PLPP7: variants seen among roughly 807,000 people sequenced by gnomAD.
PLPP7 encodes inactive phospholipid phosphatase 7.
Under a neutral mutation model 16.9 loss-of-function variants are expected in PLPP7, and 11 were observed. The ratio of observed to expected loss-of-function variants is 0.65; its 90% CI spans 0.41 to 1.08. The LOEUF (loss-of-function observed/expected upper bound fraction) is 1.08, where lower values mean the gene tolerates loss of function less well. Among genes scored for constraint, PLPP7 ranks in the 50% least tolerant of loss-of-function variants. PLPP7 has a pLI of 0.00. For synonymous variants in PLPP7, 174 were observed against 175.1 expected (o/e 0.99, Z 0.05); for missense variants, 358 against 397.1 (o/e 0.90, Z 0.84).
rs1469964143 is a variant in PLPP7, at chr9:131,295,345, G to A, written c.451+4897G>A. Reference sequence around the variant, plus strand: ...ATTTTTGTATTTTTAGTAGAGATGGGGTTTCACCATGTTGGCCAGGCTGGT... The same window carrying A: ...ATTTTTGTATTTTTAGTAGAGATGGAGTTTCACCATGTTGGCCAGGCTGGT... On this transcript the variant is annotated intron_variant, in intron 1 of 1. Coordinates refer to ENST00000372264, the MANE Select transcript of PLPP7 (RefSeq NM_032728.4). This position sits in a 1 kb window ranked among gnomAD's most constrained non-coding sequence, Gnocchi z 4.0. 6.6e-6 allele frequency among the ~76,000 whole-genome samples: 1 copy of A among 151,680 alleles called. No homozygotes were observed. The highest frequency in any genetic ancestry group is 1.5e-5 in the Non-Finnish European group (1 of 67,930).
Position 131,291,379 on chromosome 9 carries a change from G to T in PLPP7, c.451+931G>T, listed in dbSNP as rs568956643. 3.4e-6 allele frequency: 4 copies of T among 1,175,758 alleles called. No homozygotes were observed. In the Admixed American group the frequency reaches 1.1e-4, roughly 32 times the overall value. The allele number at this position is 1,175,758 out of a possible 1,614,324, so 72.8% of individuals were successfully genotyped here. On this transcript the variant is annotated intron_variant, in intron 1 of 1. Transcript: ENST00000372264. ...GGGGTCTCAGTTCCAAAAGGGCATT[G>T]GGTTGGACCACGGAGAACATCAGTT...
chr9:131,291,674 C>T (rs916792528), intron 1 of PLPP7, among the ~76,000 whole-genome samples: 4 of 151,848 alleles, frequency 2.6e-5, no homozygotes, highest in African/African-American at 4.8e-5. Context: ...CTCCGCCTCC[C>T]GGGTTCAAGC....
rs192871964 is a variant in PLPP7 at position 131,291,541 on chromosome 9, C to T, written c.451+1093C>T. 93 of 268,946 alleles carry T rather than the reference C, an allele frequency of 3.5e-4. 2 individuals are homozygous for T. The East Asian group carries it at 6.2e-3, about 18-fold the overall frequency. 16.7% of individuals were successfully genotyped at this position (268,946 alleles called of 1,614,324 possible). ...AGGAGATGGCTGGGTCTGCCACCTT[C>T]GAGGTTTTCTTGTTCCTTTTTTTTT... is the stretch of plus-strand genomic sequence containing the variant. On this transcript the variant is annotated intron_variant, in intron 1 of 1. Coordinates refer to ENST00000372264, the MANE Select transcript of PLPP7 (RefSeq NM_032728.4).
In PLPP7 at chr9:131,308,404, C is replaced by A. The variant is rs1835881010; in HGVS notation, c.*117C>A. ...AGCGGCCAGGAGTCAGAGCGGCCAC[C>A]CCCACCTCATCTTCCCCTCCTGGCT... On this transcript the variant is annotated 3_prime_UTR_variant, in exon 2 of 2. Coordinates refer to ENST00000372264, the MANE Select transcript of PLPP7 (RefSeq NM_032728.4). 1 of 1,412,684 alleles carries A rather than the reference C, an allele frequency of 7.1e-7. No individual in the cohort carries two copies. The highest frequency in any genetic ancestry group is 1.5e-5 in the South Asian group (1 of 66,968). 87.5% of individuals were successfully genotyped at this position (1,412,684 alleles called of 1,614,324 possible). A position where few individuals can be genotyped will look rare whatever the true frequency, so the allele number is the denominator to read the frequency against.
Position 131,290,400 on chromosome 9 carries a change from A to G in PLPP7, c.403A>G (p.Lys135Glu), listed in dbSNP as rs1835657912. 6.3e-7 allele frequency: 1 copy of G among 1,590,742 alleles called. No individual in the cohort carries two copies. Among genetic ancestry groups the G allele is most frequent in the Non-Finnish European group, 8.6e-7 (1 of 1,168,630 alleles). ...CGGAGGCACCATCCTCTGCCTGGTG[A>G]AGAGCAGCACACTGGCCGGCCAGGA... ...WIGGTILCLV[K>E]SSTLAGQEVL... The change falls in exon 1 of 2, where the codon AAG (lysine) becomes GAG (glutamate). Residue 135 changes from lysine (K) to glutamate (E), a missense_variant. Lys to Glu is a moderately conservative substitution (Grantham distance 56). Transcript: ENST00000372264. This position sits in a 1 kb window ranked among gnomAD's most constrained non-coding sequence, Gnocchi z 4.2.
chr9:131,304,295 G>A (rs1484009165), intron 1 of PLPP7, among the ~76,000 whole-genome samples: 1 of 152,216 alleles, frequency 6.6e-6, no homozygotes, highest in East Asian at 1.9e-4. Context: ...GCAGGGTGTG[G>A]CAGAGACACG....
rs763075181 is a variant in PLPP7 at position 131,308,500 on chromosome 9, T to G, written c.*213T>G. The G allele has an allele frequency of 3.6e-5, 28 of 770,350 alleles. No individual in the cohort carries two copies. The highest frequency in any genetic ancestry group is 3.4e-4 in the South Asian group (18 of 53,150). The allele number at this position is 770,350 out of a possible 1,614,324, so 47.7% of individuals were successfully genotyped here. Reference sequence around the variant, plus strand: ...TGGCAGTGCCAGGCCTCTTGCCCCTTTGCTTGGACTCCAAGTCTCCTCTCT... The same window carrying G: ...TGGCAGTGCCAGGCCTCTTGCCCCTGTGCTTGGACTCCAAGTCTCCTCTCT... On this transcript the variant is annotated 3_prime_UTR_variant, in exon 2 of 2. Coordinates refer to ENST00000372264, the MANE Select transcript of PLPP7 (RefSeq NM_032728.4).
rs1020568454 is a variant in PLPP7 at position 131,295,960 on chromosome 9, C to T, written c.451+5512C>T. ...AGCTGTTCTGAGTAACGCTGCCGTG[C>T]GCACAGGTGTATATGCATCTTCTTG... On this transcript the variant is annotated intron_variant, in intron 1 of 1. Transcript: ENST00000372264. The surrounding 1 kb of genome is among the most constrained non-coding windows in gnomAD (Gnocchi z 4.0). Among the ~76,000 whole-genome samples, 1 of 152,318 alleles carries T rather than the reference C, an allele frequency of 6.6e-6. No homozygotes were observed. Among genetic ancestry groups the T allele is most frequent in the Admixed American group, 6.5e-5 (1 of 15,298 alleles).
rs201869319 is a variant in PLPP7 at position 131,294,651 on chromosome 9, TTTTGTTTGTTTG to T, written c.451+4227_451+4238del. Among the ~76,000 whole-genome samples, 12 of 151,986 alleles carry T rather than the reference TTTTGTTTGTTTG, an allele frequency of 7.9e-5. No homozygotes were observed. The East Asian group carries it at 9.7e-4, about 12-fold the overall frequency. On this transcript the variant is annotated intron_variant, in intron 1 of 1. Transcript: ENST00000372264. ...ATCTATGTCCTTTATGAAAGTATCTTTTTGTTTGTTTGTTTGTTTGTTTGTTTGTTTGTTTTT... is the reference window on the plus strand; with the variant it reads ...ATCTATGTCCTTTATGAAAGTATCTTTTTGTTTGTTTGTTTGTTTGTTTTT...
At chr9:131,297,006 C>A (rs573550275) in intron 1 of PLPP7, among the ~76,000 whole-genome samples, 1 of 152,258 alleles carries the variant, frequency 6.6e-6, no homozygotes, top group Non-Finnish European at 1.5e-5. Flanking sequence ...CACATGCTAC[C>A]TCCTCGGAAG....
rs763014814 is a variant in PLPP7 at position 131,308,117 on chromosome 9, G to A, written c.646G>A (p.Val216Met). The A allele has an allele frequency of 3.7e-6, 6 of 1,600,988 alleles. No homozygotes were observed. The highest frequency in any genetic ancestry group is 3.3e-5 in the South Asian group (3 of 91,064). Residue 216 changes from valine to methionine, a missense_variant, in exon 2 of 2, where the codon GTG becomes ATG. Physicochemically the swap from Val to Met is conservative, Grantham distance 21. Transcript: ENST00000372264. ...SHLVLAVPLR[V>M]LLVLWALCVG... Reference sequence around the variant, plus strand: ...CCTGGTGCTGGCGGTGCCCCTGCGTGTGCTGCTGGTGCTCTGGGCCCTCTG... The same window carrying A: ...CCTGGTGCTGGCGGTGCCCCTGCGTATGCTGCTGGTGCTCTGGGCCCTCTG...
At chr9:131,303,488 C>T (rs1323470892) in intron 1 of PLPP7, among the ~76,000 whole-genome samples, 2 of 143,920 alleles carry the variant, frequency 1.4e-5, no homozygotes, top group South Asian at 2.2e-4. Flanking sequence ...TCTTCTGTGT[C>T]TTTTTTTTTT....
intron 1 of PLPP7, among the ~76,000 whole-genome samples, chr9:131,293,367 A>G (rs1418622866): frequency 1.3e-5 from 2 of 152,182 alleles, no homozygotes; most frequent in Non-Finnish European, 2.9e-5. Context: ...AGGGCCTGGC[A>G]CAAGTCAGGC....
intron 1 of PLPP7, among the ~76,000 whole-genome samples, chr9:131,306,246 A>G (rs1008735526): frequency 6.7e-6 from 1 of 149,668 alleles, no homozygotes; most frequent in African/African-American, 2.5e-5. Context: ...CAAAAAAATC[A>G]AATAAAATAA....
At chr9:131,299,447 G>A (rs1435247358) in intron 1 of PLPP7, among the ~76,000 whole-genome samples, 1 of 152,056 alleles carries the variant, frequency 6.6e-6, no homozygotes, top group Non-Finnish European at 1.5e-5. Flanking sequence ...GGCACCAGAT[G>A]ATGCGCTCAC....
rs1835639366 is a variant in PLPP7, at chr9:131,289,741, C to T, written c.-257C>T. 3 of 390,662 alleles carry T rather than the reference C, an allele frequency of 7.7e-6. No individual in the cohort carries two copies. The highest frequency in any genetic ancestry group is 2.1e-5 in the African/African-American group (1 of 48,438). 24.2% of individuals were successfully genotyped at this position (390,662 alleles called of 1,614,324 possible). ...CCAGGCCGCAGCTGTGGACTCCTCA[C>T]CTCCCGGAGGCTCTGCTGGTGCAGG... On this transcript the variant is annotated 5_prime_UTR_variant, in exon 1 of 2. Transcript: ENST00000372264.
intron 1 of PLPP7, among the ~76,000 whole-genome samples, chr9:131,305,173 C>T (rs1225284367): frequency 6.6e-6 from 1 of 152,244 alleles, no homozygotes; most frequent in Admixed American, 6.5e-5. Context: ...ACTCGGCAAA[C>T]ACTTGCACAC....
rs538933662 is a variant in PLPP7, at chr9:131,289,939, G to A, written c.-59G>A. On this transcript the variant is annotated 5_prime_UTR_variant, in exon 1 of 2. Coordinates refer to ENST00000372264, the MANE Select transcript of PLPP7 (RefSeq NM_032728.4). The stretch of plus-strand genomic sequence containing the variant: ...GGCTCTGGGGGCAGCTCTTGTCTTC[G>A]GGGAGAAGGCCCTTGGAGCCGGGCT... 2.3e-5 allele frequency: 31 copies of A among 1,332,736 alleles called. No individual in the cohort carries two copies. The Middle Eastern group carries it at 1.3e-3, about 54-fold the overall frequency. The allele number at this position is 1,332,736 out of a possible 1,614,324, so 82.6% of individuals were successfully genotyped here.
rs1384475929 is a variant in PLPP7 at position 131,308,460 on chromosome 9, G to A, written c.*173G>A. On this transcript the variant is annotated 3_prime_UTR_variant, in exon 2 of 2. Coordinates refer to ENST00000372264, the MANE Select transcript of PLPP7 (RefSeq NM_032728.4). Reference sequence around the variant, plus strand: ...CTGGCGAACCCAGGCCACCCCTCCCGGAGACAAGCGTGTTTGGCAGTGCCA... The same window carrying A: ...CTGGCGAACCCAGGCCACCCCTCCCAGAGACAAGCGTGTTTGGCAGTGCCA... 55 of 1,092,360 alleles carry A rather than the reference G, an allele frequency of 5.0e-5. No homozygotes were observed. Among genetic ancestry groups the A allele is most frequent in the Non-Finnish European group, 6.3e-5 (50 of 788,526 alleles). 67.7% of individuals were successfully genotyped at this position (1,092,360 alleles called of 1,614,324 possible). A position where few individuals can be genotyped will look rare whatever the true frequency, so the allele number is the denominator to read the frequency against.
Sources: gnomAD v4.1 joint callset for allele counts (sites outside exome capture counted in the v4.1 genomes callset) on GRCh38, gnomAD v4.1.1 for gene constraint, Gnocchi (gnomAD v3.1) non-coding constraint, MANE v1.5 for transcripts, NCBI Gene and HGNC (gene_info 2026-07-23, HGNC 2026-07-21) for gene names.